Variants in RFX8 observed in about 807,000 individuals in gnomAD.
RFX8 encodes the protein regulatory factor X8, also known as DNA-binding protein RFX8.
RFX8 carries 46 observed loss-of-function variants against 54.6 expected under a neutral mutation model. That is an observed-to-expected ratio of 0.84 (90% CI 0.67 to 1.08). The LOEUF is 1.08. Ranked by LOEUF, RFX8 falls within the 50% of genes least tolerant of loss-of-function variation. The pLI is 0.00. For synonymous variants in RFX8, 192 were observed against 209.5 expected (o/e 0.92, Z 0.72); for missense variants, 536 against 562.3 (o/e 0.95, Z 0.47).
At chr2:101,446,895 C>T (rs1247158631) in intron 2 of RFX8, among the ~76,000 whole-genome samples, 2 of 152,164 alleles carry the variant, frequency 1.3e-5, no homozygotes, top group African/African-American at 4.8e-5. Flanking sequence ...AACAAATTCG[C>T]ACCAGGGACA....
At chr2:101,468,233 A>G (rs1050573844) in intron 1 of RFX8, among the ~76,000 whole-genome samples, 1 of 152,186 alleles carries the variant, frequency 6.6e-6, no homozygotes, top group Non-Finnish European at 1.5e-5. Flanking sequence ...GTATTCTCAC[A>G]GTTCTGGAAG....
intron 2 of RFX8, among the ~76,000 whole-genome samples, chr2:101,454,672 T>C (rs183688431): frequency 2.1e-4 from 32 of 152,362 alleles, no homozygotes; most frequent in Middle Eastern, 3.4e-3. Flanking sequence ...TTTTCATGTG[T>C]CTGTTGGCTG....
At chr2:101,469,083 TATATATATAA>T (rs1689801048) in intron 1 of RFX8, among the ~76,000 whole-genome samples, 2 of 7,664 alleles carry the variant, frequency 2.6e-4, no homozygotes, top group African/African-American at 7.8e-4. Flanking sequence ...TATATAAGTG[TATATATATAA>T]GTATATATAT....
At chr2:101,466,480 C>T (rs777363038) in intron 2 of RFX8, among the ~76,000 whole-genome samples, 1 of 152,162 alleles carries the variant, frequency 6.6e-6, no homozygotes, top group Admixed American at 6.5e-5. Context: ...GCAGGGAATA[C>T]CATGCCAGCA....
intron 2 of RFX8, among the ~76,000 whole-genome samples, chr2:101,425,047 A>G (rs1321454347): frequency 6.6e-6 from 1 of 151,526 alleles, no homozygotes; most frequent in African/African-American, 2.4e-5. Flanking sequence ...CAGAAAAAAA[A>G]AAGAAGATGG....
At chr2:101,421,867 G>A (rs1476820976) in intron 3 of RFX8, 90 bp from the exon 4 acceptor site, 8 of 915,420 alleles carry the variant, frequency 8.7e-6, no homozygotes, top group South Asian at 1.7e-5. Context: ...CTCAGAGGCC[G>A]CTCTTGTTGC....
At chr2:101,467,037 C>G in intron 1 of RFX8, 137 bp from the exon 2 acceptor site, 1 of 621,576 alleles carries the variant, frequency 1.6e-6, no homozygotes. Context: ...TGAATCCCTG[C>G]GAAGGCTCAC....
intron 2 of RFX8, among the ~76,000 whole-genome samples, chr2:101,456,984 T>C (rs1267603658): frequency 6.6e-6 from 1 of 152,242 alleles, no homozygotes; most frequent in Middle Eastern, 3.2e-3. Context: ...TTTTCTAGTT[T>C]ATTTGCGTAG....
At chr2:101,455,846 G>C (rs551406144) in intron 2 of RFX8, among the ~76,000 whole-genome samples, 7 of 152,306 alleles carry the variant, frequency 4.6e-5, no homozygotes, top group Non-Finnish European at 1.0e-4. Flanking sequence ...TCCTATCTAT[G>C]AGCATAGAAC....
intron 4 of RFX8, among the ~76,000 whole-genome samples, chr2:101,419,306 G>A (rs958120827): frequency 6.6e-6 from 1 of 152,180 alleles, no homozygotes; most frequent in African/African-American, 2.4e-5. Flanking sequence ...GAGAATAAAT[G>A]TTCATTGACT....
At chr2:101,474,134 G>C (rs1690167460) in intron 1 of RFX8, 4 of 565,018 alleles carry the variant, frequency 7.1e-6, no homozygotes, top group Non-Finnish European at 1.2e-5. Flanking sequence ...CAGCCGTAGC[G>C]GGAACCACGC....
chr2:101,410,595 T>C, intron 9 of RFX8, 24 bp downstream of exon 9: 1 of 1,301,996 alleles, frequency 7.7e-7, no homozygotes, highest in African/African-American at 1.5e-5. Flanking sequence ...ACACTTTTTT[T>C]TTTTTTAAGT....
chr2:101,467,009 C>T, intron 1 of RFX8, 109 bp from the exon 2 acceptor site: 3 of 641,446 alleles, frequency 4.7e-6, no homozygotes, highest in Non-Finnish European at 8.4e-6. Context: ...ATAAATGAAA[C>T]ATGTCTAATT....
chr2:101,456,123 G>A (rs577965664), intron 2 of RFX8, among the ~76,000 whole-genome samples: 1 of 152,290 alleles, frequency 6.6e-6, no homozygotes, highest in South Asian at 2.1e-4. Flanking sequence ...CTGAGAAGAT[G>A]GGGTTTTCTA....
Position 101,432,912 on chromosome 2 carries a change from C to T in RFX8, c.73-10440G>A, listed in dbSNP as rs111727168. ...CACAGGAGTGACTCCCAGGCGAGTC[C>T]GTCCTCAGGTCATTTGCATTCCTTG... On this transcript the variant is annotated intron_variant, in intron 2 of 11. Coordinates refer to ENST00000428343, the MANE Select transcript of RFX8 (RefSeq NM_001145664.2). Among the ~76,000 whole-genome samples, 853 of 152,292 alleles carry T rather than the reference C, an allele frequency of 5.6e-3. 7 individuals carry two copies. The highest frequency in any genetic ancestry group is 0.019 in the African/African-American group (783 of 41,556).
intron 10 of RFX8, among the ~76,000 whole-genome samples, chr2:101,404,672 G>GT (rs1685630350): frequency 6.6e-6 from 1 of 151,636 alleles, no homozygotes; most frequent in African/African-American, 2.4e-5. Flanking sequence ...AGAGATCTGT[G>GT]TCCCTCAGTC....
chr2:101,447,815 C>T (rs906808014), intron 2 of RFX8, among the ~76,000 whole-genome samples: 1 of 152,204 alleles, frequency 6.6e-6, no homozygotes, highest in African/African-American at 2.4e-5. Flanking sequence ...CTTGCCTCCA[C>T]AAGATAAACT....
At chr2:101,457,306 C>T (rs6742802) in intron 2 of RFX8, among the ~76,000 whole-genome samples, 52,494 of 151,902 alleles carry the variant, frequency 0.35, 9,739 homozygotes, top group African/African-American at 0.44. Flanking sequence ...GTTAGGGTGT[C>T]GATTTTAGAT....
intron 6 of RFX8, 116 bp from the exon 7 acceptor site, chr2:101,415,028 T>G: frequency 8.7e-6 from 6 of 691,574 alleles, no homozygotes; most frequent in East Asian, 2.8e-5. Flanking sequence ...AAACTGCAAC[T>G]TCCCCCACCC....
Sources: allele counts gnomAD v4.1 joint callset (sites outside exome capture counted in the v4.1 genomes callset), GRCh38; gene constraint gnomAD v4.1.1; transcripts MANE v1.5; gene names NCBI Gene and HGNC (gene_info 2026-07-23, HGNC 2026-07-21).